Variants in IL9R observed in about 807,000 individuals in gnomAD.
IL9R encodes the protein interleukin 9 receptor, also known as interleukin-9 receptor.
Under a neutral mutation model 56.3 loss-of-function variants are expected in IL9R, and 54 were observed. That is an observed-to-expected ratio of 0.96 (90% CI 0.77 to 1.20). The LOEUF (loss-of-function observed/expected upper bound fraction) is 1.20. IL9R is among the 50% of genes most tolerant of loss of function. The pLI is 0.00. For missense variants in IL9R, 545 were observed against 629.8 expected (o/e 0.87, Z 1.44); for synonymous variants, 212 against 250.2 (o/e 0.85, Z 1.44).
intron 2 of IL9R, 81 bp downstream of exon 2, chrX:156,003,100 G>A (rs2067654220): frequency 6.4e-7 from 1 of 1,572,038 alleles, no homozygotes. Context: ...CCGATGTCAA[G>A]CCTCTAGGGA....
intron 1 of IL9R, 75 bp downstream of exon 1, chrX:155,997,862 C>T: frequency 1.4e-6 from 2 of 1,414,918 alleles, no homozygotes; most frequent in East Asian, 2.3e-5. Flanking sequence ...ACATGTGGCC[C>T]TCCAACTCGG....
intron 7 of IL9R, among the ~76,000 whole-genome samples, chrX:156,006,565 C>A (rs778613326): frequency 4.0e-5 from 6 of 151,108 alleles, no homozygotes; most frequent in African/African-American, 1.2e-4. Flanking sequence ...TTCACATGTT[C>A]TACGAAAGGA....
chrX:156,006,904 C>T (rs2068006653), intron 7 of IL9R, among the ~76,000 whole-genome samples: 1 of 149,894 alleles, frequency 6.7e-6, no homozygotes, highest in Non-Finnish European at 1.5e-5. Flanking sequence ...GAGGTGCCCA[C>T]AGGGAGACGA....
At chrX:156,002,835 G>C in intron 1 of IL9R, 71 bp from the exon 2 acceptor site, 4 of 1,610,392 alleles carry the variant, frequency 2.5e-6, no homozygotes, top group Non-Finnish European at 3.4e-6. Flanking sequence ...CTCTGCTGGG[G>C]AGCAATTCAT....
At chrX:156,009,250 G>GTGTT (rs2068284850) in intron 8 of IL9R, among the ~76,000 whole-genome samples, 1 of 105,250 alleles carries the variant, frequency 9.5e-6, no homozygotes, top group Non-Finnish European at 2.0e-5. Flanking sequence ...TGGTGTGTGT[G>GTGTT]TCTGTGTGTG....
Position 156,003,760 on chromosome X carries a change from T to C in IL9R, c.338T>C (p.Val113Ala). ...GTGCTGCCACCTGAGGCAGTGCTCG[T>C]GCCATCTGACAATTTCACCATCACT... ...TVVLPPEAVL[V>A]PSDNFTITFH... The change falls in exon 4 of 9, where the codon GTG (valine) becomes GCG (alanine). Residue 113 changes from valine (V) to alanine (A), a missense_variant. Around this residue, in one of 2 missense-constraint regions of IL9R, gnomAD observed 431 missense variants for 360.0 expected, o/e 1.20. Transcript: ENST00000244174. 2 of 1,613,998 alleles carry C rather than the reference T, an allele frequency of 1.2e-6. No homozygotes were observed. The highest frequency in any genetic ancestry group is 1.7e-6 in the Non-Finnish European group (2 of 1,179,864).
intron 8 of IL9R, among the ~76,000 whole-genome samples, chrX:156,008,991 CTG>C (rs1246888172): frequency 3.5e-4 from 34 of 96,662 alleles, no homozygotes; most frequent in Admixed American, 5.3e-4. Context: ...GTGTTTAAGT[CTG>C]TGTGTGTTTG....
At chrX:156,007,378 G>T (rs1004984441) in intron 7 of IL9R, 145 bp from the exon 8 acceptor site, 3 of 651,642 alleles carry the variant, frequency 4.6e-6, no homozygotes, top group Non-Finnish European at 2.8e-6. Context: ...CCTGAGAGTG[G>T]GTTGGAATGT....
intron 1 of IL9R, among the ~76,000 whole-genome samples, chrX:156,000,531 C>A (rs2067447810): frequency 6.6e-6 from 1 of 152,196 alleles, no homozygotes; most frequent in Non-Finnish European, 1.5e-5. Flanking sequence ...GTGATGTCAG[C>A]CAGGCTCCCC....
chrX:156,007,761 A>C, intron 8 of IL9R, 154 bp downstream of exon 8: 1 of 703,230 alleles, frequency 1.4e-6, no homozygotes, highest in Non-Finnish European at 2.4e-6. Flanking sequence ...ATTTCAATTT[A>C]TACGCGTATC....
chrX:156,004,139 G>A (rs2067744068), intron 4 of IL9R: 4 of 599,670 alleles, frequency 6.7e-6, no homozygotes, highest in South Asian at 6.1e-5. Context: ...ATACCAGGAA[G>A]GACTCCAATA....
intron 7 of IL9R, among the ~76,000 whole-genome samples, chrX:156,007,037 G>A (rs1032478390): frequency 6.6e-6 from 1 of 151,936 alleles, no homozygotes; most frequent in Non-Finnish European, 1.5e-5. Flanking sequence ...CCTGAGGTGG[G>A]GAAATGGGGG....
intron 8 of IL9R, among the ~76,000 whole-genome samples, chrX:156,008,872 T>C (rs1398467155): frequency 6.9e-6 from 1 of 144,226 alleles, no homozygotes; most frequent in Admixed American, 6.9e-5. Context: ...TGTGTGTCTG[T>C]GTGTGTGTGT....
chrX:156,005,167 C>T (rs2067833696), intron 5 of IL9R, 111 bp from the exon 6 acceptor site: 1 of 808,722 alleles, frequency 1.2e-6, no homozygotes, highest in African/African-American at 1.7e-5. Flanking sequence ...TGTGTTAACA[C>T]AAGTGTGTTC....
At chrX:156,004,654 A>T in intron 5 of IL9R, 89 bp downstream of exon 5, 1 of 1,332,886 alleles carries the variant, frequency 7.5e-7, no homozygotes, top group Non-Finnish European at 1.1e-6. Flanking sequence ...GGAGATGTCA[A>T]CTTGTAGTGA....
Position 156,010,068 on chromosome X carries a change from C to T in IL9R, c.1225C>T (p.Pro409Ser). 1 of 1,565,580 alleles carries T rather than the reference C, an allele frequency of 6.4e-7. No individual in the cohort carries two copies. The highest frequency in any genetic ancestry group is 1.1e-5 in the South Asian group (1 of 88,446). Reference protein sequence around the residue: ...EWRVQTLAYLPQEDWAPTSLT... With the variant: ...EWRVQTLAYLSQEDWAPTSLT... The stretch of plus-strand genomic sequence containing the variant: ...GAGGGTACAGACGCTTGCCTATCTG[C>T]CACAGGAGGACTGGGCCCCCACGTC... Residue 409 changes from proline (P) to serine (S), a missense_variant, in exon 9 of 9, where the codon CCA (proline) becomes TCA (serine). By Grantham distance (74) the Pro-to-Ser change is moderately conservative. Coordinates refer to ENST00000244174, the MANE Select transcript of IL9R (RefSeq NM_002186.3).
chrX:156,009,139 TTG>T (rs1241751830), intron 8 of IL9R, among the ~76,000 whole-genome samples: 3,939 of 94,450 alleles, frequency 0.042, 5 homozygotes, highest in Non-Finnish European at 0.054. Context: ...GTGTGTGTGT[TTG>T]TGTGTGTGTG....
Position 156,002,958 on chromosome X carries a change from G to C in IL9R, c.81G>C (p.Leu27=). The C allele has an allele frequency of 2.5e-6, 4 of 1,613,892 alleles. No homozygotes were observed. The highest frequency in any genetic ancestry group is 3.4e-6 in the Non-Finnish European group (4 of 1,179,848). The change falls in exon 2 of 9, where the codon CTG becomes CTC. Residue 27 remains leucine, a synonymous_variant. Transcript: ENST00000244174. ...GGCGAGACATGGGCACCTGGCTCCT[G>C]GCCTGCATCTGCATCTGCACCTGTG... ...ALRRDMGTWL[L]ACICICTCVC...
chrX:156,004,713 G>T, intron 5 of IL9R, 148 bp downstream of exon 5: 2 of 766,296 alleles, frequency 2.6e-6, no homozygotes, highest in South Asian at 3.5e-5. Context: ...ACACATGCTG[G>T]CATGCAGATG....
Sources: allele counts gnomAD v4.1 joint callset (sites outside exome capture counted in the v4.1 genomes callset), GRCh38; gene constraint gnomAD v4.1.1; regional missense constraint gnomAD v4.1.1; transcripts MANE v1.5; gene names NCBI Gene and HGNC (gene_info 2026-07-23, HGNC 2026-07-21).